AMMECR1: variants seen among roughly 807,000 people sequenced by gnomAD.
AMMECR1 encodes nuclear protein AMMECR1.
Under a neutral mutation model 22.5 loss-of-function variants are expected in AMMECR1, and 3 were observed. The ratio of observed to expected loss-of-function variants is 0.13; its 90% confidence interval spans 0.06 to 0.35. AMMECR1 has a LOEUF of 0.35. Among genes scored for constraint, AMMECR1 ranks in the 10% least tolerant of loss-of-function variants. AMMECR1 has a pLI of 1.00. For missense variants in AMMECR1, 235 were observed against 278.7 expected (o/e 0.84, Z 1.12); for synonymous variants, 130 against 116.7 (o/e 1.11, Z -0.74).
chrX:110,374,778 C>T (rs755902151), intron 2 of AMMECR1, among the ~76,000 whole-genome samples: 1 of 109,931 alleles, frequency 9.1e-6, no homozygotes, highest in Non-Finnish European at 1.9e-5. Flanking sequence ...CATGAATAGA[C>T]CATAGGATAG....
At position 110,242,994 on chromosome X, in the gene AMMECR1, C is replaced by A. The variant is rs1386916844; in HGVS notation, c.584+21495G>T. Among the ~76,000 whole-genome samples, 5 of 111,765 alleles carry A rather than the reference C, an allele frequency of 4.5e-5. No homozygotes were observed. In the East Asian group the frequency reaches 1.4e-3, roughly 31 times the overall value. On this transcript the variant is annotated intron_variant, in intron 2 of 5. Coordinates refer to ENST00000262844, the MANE Select transcript of AMMECR1 (RefSeq NM_015365.3). ...TTCTAATAATGTGTACAATAGCAAC[C>A]GCCCTGTCATTTTCACTGAATTTCA... is the stretch of plus-strand genomic sequence containing the variant.
intron 1 of AMMECR1, among the ~76,000 whole-genome samples, chrX:110,317,171 A>G (rs984321318): frequency 1.8e-5 from 2 of 111,303 alleles, no homozygotes; most frequent in African/African-American, 3.3e-5. Flanking sequence ...GTAGTTCTCC[A>G]TGTGCAAGAT....
At chrX:110,231,579 C>T (rs2067566586) in intron 2 of AMMECR1, among the ~76,000 whole-genome samples, 1 of 111,349 alleles carries the variant, frequency 9.0e-6, no homozygotes. Context: ...TTGTAAAGAC[C>T]ATCGATGCTA....
At chrX:110,234,428 C>G (rs781582916) in intron 2 of AMMECR1, among the ~76,000 whole-genome samples, 7 of 111,893 alleles carry the variant, frequency 6.3e-5, no homozygotes, top group Non-Finnish European at 1.1e-4. Context: ...GATTCAATGC[C>G]ATCCCCATCA....
At chrX:110,381,731 A>G (rs1051930778) in intron 2 of AMMECR1, among the ~76,000 whole-genome samples, 1 of 111,154 alleles carries the variant, frequency 9.0e-6, no homozygotes, top group Non-Finnish European at 1.9e-5. Flanking sequence ...ATGGAATACT[A>G]CCCAGCCATA....
rs183982862 is a variant in AMMECR1 at position 110,230,040 on chromosome X, C to T, written c.585-13408G>A. 1.2e-4 allele frequency among the ~76,000 whole-genome samples: 14 copies of T among 113,117 alleles called. No individual in the cohort carries two copies. In the East Asian group the frequency reaches 1.7e-3, roughly 14 times the overall value. On this transcript the variant is annotated intron_variant, in intron 2 of 5. Coordinates refer to ENST00000262844, the MANE Select transcript of AMMECR1 (RefSeq NM_015365.3). ...GGCGGAGCCCACCTCAGCTCAACAA[C>T]GCCTACTGCCTCTAGACTCCACCTC... is the stretch of plus-strand genomic sequence containing the variant.
intron 2 of AMMECR1, among the ~76,000 whole-genome samples, chrX:110,234,311 G>A (rs1358422887): frequency 8.9e-6 from 1 of 111,891 alleles, no homozygotes; most frequent in Non-Finnish European, 1.9e-5. Flanking sequence ...ACAAACCACT[G>A]CTCAACGAAA....
intron 2 of AMMECR1, among the ~76,000 whole-genome samples, chrX:110,235,290 T>C (rs774739936): frequency 8.9e-6 from 1 of 112,215 alleles, no homozygotes; most frequent in East Asian, 2.8e-4. Flanking sequence ...GATACCATCT[T>C]ACACCAGTTA....
chrX:110,323,051 C>T (rs1405383538), upstream of AMMECR1, among the ~76,000 whole-genome samples: 1 of 111,786 alleles, frequency 8.9e-6, no homozygotes, highest in Non-Finnish European at 1.9e-5. Context: ...GCATCTTCCA[C>T]AAGATTCCAC....
chrX:110,222,944 T>A (rs913138251), intron 2 of AMMECR1, among the ~76,000 whole-genome samples: 1 of 111,727 alleles, frequency 9.0e-6, no homozygotes, highest in African/African-American at 3.3e-5. Flanking sequence ...CCTGAAATGC[T>A]CTGATCTTGC....
In AMMECR1 at chrX:110,318,019, G is replaced by A. The variant is rs775481785; in HGVS notation, c.53C>T (p.Pro18Leu). The A allele has an allele frequency of 5.8e-6, 7 of 1,204,680 alleles. No homozygotes were observed. Among genetic ancestry groups the A allele is most frequent in the East Asian group, 3.0e-5 (1 of 33,639 alleles). The part of the protein sequence containing the change: ...VKKQKLSSSP[P>L]SGSGGGGGAS... ...GCCACCACCGCCACCCGAGCCAGAGGGGGGCGAACTGGACAGTTTCTGCTT... is the reference window on the plus strand; with the variant it reads ...GCCACCACCGCCACCCGAGCCAGAGAGGGGCGAACTGGACAGTTTCTGCTT... Residue 18 changes from proline to leucine, a missense_variant, in exon 1 of 6, where the codon CCC becomes CTC. Around this residue, in one of 2 missense-constraint regions of AMMECR1, gnomAD observed 124 missense variants for 97.0 expected, o/e 1.28. Transcript: ENST00000262844.
intron 2 of AMMECR1, among the ~76,000 whole-genome samples, chrX:110,380,981 A>G (rs954110457): frequency 8.9e-6 from 1 of 112,570 alleles, no homozygotes; most frequent in Non-Finnish European, 1.9e-5. Context: ...ACTTCAAACT[A>G]TAAAAACTCC....
chrX:110,427,423 A>G (rs753941460), intron 1 of AMMECR1, among the ~76,000 whole-genome samples: 1 of 111,970 alleles, frequency 8.9e-6, no homozygotes. Flanking sequence ...TACCTACTGA[A>G]TCAGAAACTC....
At chrX:110,213,936 T>C (rs1260046345) in intron 3 of AMMECR1, among the ~76,000 whole-genome samples, 1 of 110,659 alleles carries the variant, frequency 9.0e-6, no homozygotes, top group Non-Finnish European at 1.9e-5. Flanking sequence ...CAGTAACTAA[T>C]TCACTTTCAA....
intron 1 of AMMECR1, among the ~76,000 whole-genome samples, chrX:110,304,053 C>T (rs2067981932): frequency 8.9e-6 from 1 of 111,848 alleles, no homozygotes; most frequent in African/African-American, 3.2e-5. Context: ...AATCATTCCT[C>T]AACATAAACT....
At chrX:110,277,330 C>T (rs1358799803) in intron 1 of AMMECR1, among the ~76,000 whole-genome samples, 1 of 107,591 alleles carries the variant, frequency 9.3e-6, no homozygotes, top group Non-Finnish European at 1.9e-5. Context: ...AACCAAACAC[C>T]GCATGTTCTC....
intron 2 of AMMECR1, among the ~76,000 whole-genome samples, chrX:110,415,151 C>T (rs897108663): frequency 8.9e-6 from 1 of 112,034 alleles, no homozygotes; most frequent in African/African-American, 3.3e-5. Context: ...CATCTCTGTA[C>T]TCCCCAGGGC....
At chrX:110,369,642 C>T (rs1346724505) in intron 2 of AMMECR1, among the ~76,000 whole-genome samples, 2 of 111,684 alleles carry the variant, frequency 1.8e-5, no homozygotes, top group Non-Finnish European at 3.8e-5. Flanking sequence ...CCTCTGCCCC[C>T]AGCCACCAAG....
At chrX:110,361,107 C>T (rs1427185144) in intron 2 of AMMECR1, among the ~76,000 whole-genome samples, 1 of 110,644 alleles carries the variant, frequency 9.0e-6, no homozygotes, top group Non-Finnish European at 1.9e-5. Flanking sequence ...TGCCCCTGCC[C>T]ACAACCCCCA....
Sources: allele counts gnomAD v4.1 joint callset (sites outside exome capture counted in the v4.1 genomes callset), GRCh38; gene constraint gnomAD v4.1.1; regional missense constraint gnomAD v4.1.1; transcripts MANE v1.5; gene names NCBI Gene and HGNC (gene_info 2026-07-23, HGNC 2026-07-21).